Variants in C5orf34 observed in about 807,000 individuals in gnomAD.
C5orf34 encodes the protein uncharacterized protein C5orf34.
Under a neutral mutation model 78.4 loss-of-function variants are expected in C5orf34, and 73 were observed. The observed-to-expected ratio is 0.93, with a 90% CI of 0.77 to 1.13. The LOEUF is 1.13. Among genes scored for constraint, C5orf34 ranks in the 50% most tolerant of loss-of-function variants. C5orf34 has a pLI of 0.00. For synonymous variants in C5orf34, 251 were observed against 246.6 expected (o/e 1.02, Z -0.17); for missense variants, 730 against 732.7 (o/e 1.00, Z 0.04).
At chr5:43,506,431 C>G (rs1162172275) in intron 3 of C5orf34, 37 bp from the exon 4 acceptor site, 1 of 1,529,148 alleles carries the variant, frequency 6.5e-7, no homozygotes, top group African/African-American at 1.4e-5. Context: ...TGAGTATTTT[C>G]TGTTAACAGT....
At chr5:43,487,775 G>C in intron 12 of C5orf34, 134 bp downstream of exon 12, 1 of 651,302 alleles carries the variant, frequency 1.5e-6, no homozygotes, top group East Asian at 3.0e-5. Context: ...TACAATCTTA[G>C]GTATTTGCTG....
chr5:43,500,360 C>T (rs1745706359), intron 6 of C5orf34, among the ~76,000 whole-genome samples: 1 of 151,942 alleles, frequency 6.6e-6, no homozygotes, highest in African/African-American at 2.4e-5. Context: ...TGGGCTTTTG[C>T]TTATCTTTTT....
intron 6 of C5orf34, among the ~76,000 whole-genome samples, chr5:43,498,418 G>A (rs1262265426): frequency 6.6e-6 from 1 of 151,990 alleles, no homozygotes; most frequent in Non-Finnish European, 1.5e-5. Context: ...GTGGGGTTGA[G>A]ATATAGTTGA....
intron 12 of C5orf34, among the ~76,000 whole-genome samples, chr5:43,487,597 A>C (rs558894060): frequency 6.6e-6 from 1 of 152,226 alleles, no homozygotes. Flanking sequence ...TATTTCATTT[A>C]AAAAAAGAGG....
chr5:43,492,888 T>A lies in C5orf34; in HGVS notation c.1317A>T (p.Val439=). The A allele has an allele frequency of 6.4e-7, 1 of 1,572,106 alleles. No individual in the cohort carries two copies. Among genetic ancestry groups the A allele is most frequent in the Non-Finnish European group, 8.7e-7 (1 of 1,154,876 alleles). Residue 439 remains valine, a splice_region_variant and synonymous_variant, in exon 9 of 13, where the codon GTA becomes GTT. Coordinates refer to ENST00000306862, the MANE Select transcript of C5orf34 (RefSeq NM_198566.4). ...GTATATTGCTATCATTTATCCCAGGTACCTAAAACCAAGTAAATAAAAATA... is the reference window on the plus strand; with the variant it reads ...GTATATTGCTATCATTTATCCCAGGAACCTAAAACCAAGTAAATAAAAATA... ...HNYRICCWKM[V]PGINDSNILP... is the part of the protein sequence containing the mutation.
chr5:43,500,609 T>G (rs1018412467), intron 6 of C5orf34, among the ~76,000 whole-genome samples: 9 of 152,206 alleles, frequency 5.9e-5, no homozygotes, highest in African/African-American at 1.7e-4. Flanking sequence ...TTGGCTGGGC[T>G]TGTCTCGAAC....
chr5:43,500,773 A>T (rs1579868197), intron 6 of C5orf34, among the ~76,000 whole-genome samples: 1 of 152,300 alleles, frequency 6.6e-6, no homozygotes, highest in African/African-American at 2.4e-5. Context: ...GGTTTTCTGT[A>T]TTCTACTTAA....
intron 6 of C5orf34, chr5:43,494,949 G>A (rs1446981026): frequency 3.8e-6 from 3 of 798,764 alleles, no homozygotes; most frequent in Admixed American, 2.4e-5. Context: ...AAGGTTTTAC[G>A]ATGCATTGTT....
intron 10 of C5orf34, among the ~76,000 whole-genome samples, chr5:43,490,987 G>A (rs974045265): frequency 2.6e-5 from 4 of 151,886 alleles, no homozygotes; most frequent in African/African-American, 9.7e-5. Context: ...CAAAATAAAG[G>A]CGATATTTGG....
chr5:43,495,602 G>A (rs1392219893), intron 6 of C5orf34: 28 of 1,611,774 alleles, frequency 1.7e-5, no homozygotes, highest in Non-Finnish European at 2.1e-5. Flanking sequence ...TACTTCTGTT[G>A]TAATGTTGAC....
intron 6 of C5orf34, chr5:43,496,363 C>A (rs1180968889): frequency 6.3e-7 from 1 of 1,592,802 alleles, no homozygotes; most frequent in Non-Finnish European, 8.5e-7. Flanking sequence ...GATGCCACCA[C>A]ATTTGTAGGT....
At chr5:43,495,236 T>C in intron 6 of C5orf34, 1 of 1,608,390 alleles carries the variant, frequency 6.2e-7, no homozygotes, top group Non-Finnish European at 8.5e-7. Context: ...AACAATGGGC[T>C]TGCCAGGAAC....
chr5:43,505,832 G>C lies in C5orf34; in HGVS notation c.848C>G (p.Ser283Cys), dbSNP rs949304933. The change falls in exon 4 of 13, where the codon TCT becomes TGT. Residue 283 changes from serine to cysteine, a missense_variant. Physicochemically the swap from Ser to Cys is moderately radical, Grantham distance 112. Coordinates refer to ENST00000306862, the MANE Select transcript of C5orf34 (RefSeq NM_198566.4). The part of the protein sequence containing the change: ...AHITQSRFLT[S>C]DISEERGKVV... Reference sequence around the variant, plus strand: ...TTTTCCTCTTTCCTCTGAAATATCAGAAGTTAAAAATCTACTCTGAGTTAT... The same window carrying C: ...TTTTCCTCTTTCCTCTGAAATATCACAAGTTAAAAATCTACTCTGAGTTAT... The C allele has an allele frequency of 6.2e-7, 1 of 1,613,156 alleles. No homozygotes were observed. Among genetic ancestry groups the C allele is most frequent in the Non-Finnish European group, 8.5e-7 (1 of 1,179,500 alleles).
chr5:43,506,434 T>A, intron 3 of C5orf34, 40 bp from the exon 4 acceptor site: 1 of 1,524,386 alleles, frequency 6.6e-7, no homozygotes, highest in Non-Finnish European at 8.8e-7. Flanking sequence ...GTATTTTCTG[T>A]TAACAGTCCA....
chr5:43,492,700 TAA>T lies in C5orf34; in HGVS notation c.1485+18_1485+19del, dbSNP rs761599839. 1.9e-6 allele frequency: 3 copies of T among 1,591,376 alleles called. No homozygotes were observed. Among genetic ancestry groups the T allele is most frequent in the Non-Finnish European group, 2.6e-6 (3 of 1,167,854 alleles). ...ACAGATTACCAATAAAAAATAGATC[TAA>T]GTCTGAAGTATACCCACCTGTCTCT... On this transcript the variant is annotated intron_variant, in intron 9 of 12. Coordinates refer to ENST00000306862, the MANE Select transcript of C5orf34 (RefSeq NM_198566.4).
Position 43,509,336 on chromosome 5 carries a change from C to T in C5orf34, c.4G>A (p.Ala2Thr). ...TAAAGTATCATTCGCAGTTCAGCTGCCATTACAACGGCAGGATAAGATATC... is the reference window on the plus strand; with the variant it reads ...TAAAGTATCATTCGCAGTTCAGCTGTCATTACAACGGCAGGATAAGATATC... M[A>T]AELRMILYED... Residue 2 changes from alanine to threonine, a missense_variant, in exon 2 of 13, where the codon GCA becomes ACA. Physicochemically the swap from Ala to Thr is moderately conservative, Grantham distance 58. Coordinates refer to ENST00000306862, the MANE Select transcript of C5orf34 (RefSeq NM_198566.4). The T allele has an allele frequency of 6.3e-7, 1 of 1,575,276 alleles. No individual in the cohort carries two copies. Among genetic ancestry groups the T allele is most frequent in the Non-Finnish European group, 8.6e-7 (1 of 1,166,278 alleles).
rs114895778 is a variant in C5orf34, at chr5:43,504,365, A to G, written c.933-605T>C. ...GCACTGTGCTATACACACTGTGGAT[A>G]TAACAACCAAAAAAATGTAGACATG... On this transcript the variant is annotated intron_variant, in intron 4 of 12. Coordinates refer to ENST00000306862, the MANE Select transcript of C5orf34 (RefSeq NM_198566.4). 9.6e-4 allele frequency among the ~76,000 whole-genome samples: 146 copies of G among 152,298 alleles called. No individual in the cohort carries two copies. In the Middle Eastern group the frequency reaches 0.01, roughly 11 times the overall value.
In C5orf34 at chr5:43,502,424, G is replaced by A. The variant is rs1745795823; in HGVS notation, c.1100C>T (p.Ala367Val). ...ATAAGTAAAATAGTTCCCAAAATAA[G>A]CCCCTTCTGATTTGAAAACAGATCC... Reference protein sequence around the residue: ...GDGSVFKSEGAYFGNYFTYYS... With the variant: ...GDGSVFKSEGVYFGNYFTYYS... Residue 367 changes from alanine (A) to valine (V), a missense_variant, in exon 6 of 13, where the codon GCT becomes GTT. Coordinates refer to ENST00000306862, the MANE Select transcript of C5orf34 (RefSeq NM_198566.4). 6.2e-6 allele frequency: 10 copies of A among 1,607,230 alleles called. No individual in the cohort carries two copies. The highest frequency in any genetic ancestry group is 1.3e-5 in the African/African-American group (1 of 74,816).
chr5:43,501,047 T>A (rs1179963793), intron 6 of C5orf34, among the ~76,000 whole-genome samples: 1 of 152,134 alleles, frequency 6.6e-6, no homozygotes, highest in East Asian at 1.9e-4. Flanking sequence ...CACAAATGCG[T>A]TTTAACCCAA....
Sources: allele counts gnomAD v4.1 joint callset (sites outside exome capture counted in the v4.1 genomes callset), GRCh38; gene constraint gnomAD v4.1.1; transcripts MANE v1.5; gene names NCBI Gene and HGNC (gene_info 2026-07-23, HGNC 2026-07-21).